Variants in HOOK3 observed in about 807,000 individuals in gnomAD.
HOOK3 encodes the protein hook microtubule tethering protein 3, also known as protein Hook homolog 3.
HOOK3 carries 24 observed loss-of-function variants against 116.3 expected under a neutral mutation model. The observed-to-expected ratio is 0.21, with a 90% CI of 0.15 to 0.29. The LOEUF (loss-of-function observed/expected upper bound fraction) is 0.29, where lower values mean the gene tolerates loss of function less well. Among genes scored for constraint, HOOK3 ranks in the 10% least tolerant of loss-of-function variants. HOOK3 has a pLI of 1.00. For missense variants in HOOK3, 632 were observed against 830.2 expected, an observed-to-expected ratio of 0.76 and a Z score of 2.93; for synonymous variants, 275 against 283.0, an observed-to-expected ratio of 0.97 and a Z score of 0.28.
At chr8:42,921,171 T>C (rs1282703495) in intron 2 of HOOK3, among the ~76,000 whole-genome samples, 1 of 152,108 alleles carries the variant, frequency 6.6e-6, no homozygotes, top group African/African-American at 2.4e-5. Flanking sequence ...GTTTTTTTTT[T>C]TTTTAAAGTA....
chr8:42,978,713 C>T (rs2130440946), intron 13 of HOOK3, among the ~76,000 whole-genome samples: 1 of 152,138 alleles, frequency 6.6e-6, no homozygotes, highest in Admixed American at 6.5e-5. Flanking sequence ...CACACACAGT[C>T]ACTTCTTGTA....
chr8:43,017,805 A>G (rs978259144), intron 21 of HOOK3, among the ~76,000 whole-genome samples: 5 of 152,098 alleles, frequency 3.3e-5, no homozygotes, highest in Non-Finnish European at 5.9e-5. Flanking sequence ...CCTGTCTTCA[A>G]GAAAGACCCC....
intron 13 of HOOK3, among the ~76,000 whole-genome samples, chr8:42,981,902 A>C (rs1313390592): frequency 6.8e-6 from 1 of 147,732 alleles, no homozygotes; most frequent in South Asian, 2.1e-4. Context: ...AAAAAAAAAG[A>C]ATAAGGAATA....
chr8:42,944,357 A>C (rs757995570), intron 5 of HOOK3, among the ~76,000 whole-genome samples: 3 of 152,140 alleles, frequency 2.0e-5, no homozygotes, highest in Admixed American at 1.3e-4. Context: ...CAGAGGTTGC[A>C]ATGAGCCAAG....
At chr8:42,990,796 T>C (rs1809145180) in intron 15 of HOOK3, among the ~76,000 whole-genome samples, 1 of 152,226 alleles carries the variant, frequency 6.6e-6, no homozygotes, top group African/African-American at 2.4e-5. Flanking sequence ...GTTGATTGTT[T>C]CCTTTGCTAT....
intron 11 of HOOK3, 72 bp from the exon 12 acceptor site, chr8:42,973,217 C>A (rs1363976319): frequency 4.7e-6 from 7 of 1,501,332 alleles, no homozygotes; most frequent in Non-Finnish European, 5.3e-6. Flanking sequence ...TTTTCTTAAA[C>A]CTGTAGAAGA....
At chr8:43,007,389 G>T (rs770410113) in intron 17 of HOOK3, among the ~76,000 whole-genome samples, 4 of 152,134 alleles carry the variant, frequency 2.6e-5, no homozygotes, top group Non-Finnish European at 5.9e-5. Flanking sequence ...ATCAGTGTAC[G>T]TAACAGAATC....
intron 3 of HOOK3, among the ~76,000 whole-genome samples, chr8:42,929,207 T>C (rs1203363482): frequency 6.6e-6 from 1 of 152,218 alleles, no homozygotes; most frequent in Non-Finnish European, 1.5e-5. Flanking sequence ...GCATATTATA[T>C]GCATTTTCCA....
chr8:42,916,378 T>C (rs1436576689), intron 2 of HOOK3, among the ~76,000 whole-genome samples: 1 of 152,238 alleles, frequency 6.6e-6, no homozygotes, highest in East Asian at 1.9e-4. Context: ...ACCAATTAGG[T>C]GCCCTGTAGT....
intron 13 of HOOK3, among the ~76,000 whole-genome samples, chr8:42,979,669 T>A (rs1808896923): frequency 1.3e-5 from 2 of 152,170 alleles, no homozygotes; most frequent in African/African-American, 4.8e-5. Flanking sequence ...CTTGCTTCAT[T>A]TTCTAGTTTA....
chr8:42,899,198 G>C (rs889684906), intron 1 of HOOK3, among the ~76,000 whole-genome samples: 13 of 152,184 alleles, frequency 8.5e-5, no homozygotes, highest in African/African-American at 3.1e-4. Context: ...AAGTTTGAAG[G>C]CCTGCTGACA....
At chr8:43,001,290 T>C (rs977622037) in intron 16 of HOOK3, among the ~76,000 whole-genome samples, 1 of 152,064 alleles carries the variant, frequency 6.6e-6, no homozygotes, top group Non-Finnish European at 1.5e-5. Flanking sequence ...TTGTGGTAAT[T>C]ATTATCAAAA....
intron 5 of HOOK3, among the ~76,000 whole-genome samples, chr8:42,946,266 G>A (rs1808223480): frequency 6.6e-6 from 1 of 152,148 alleles, no homozygotes; most frequent in African/African-American, 2.4e-5. Context: ...GCAGCTTAAA[G>A]GGGGACAGCC....
intron 15 of HOOK3, among the ~76,000 whole-genome samples, chr8:42,996,079 G>A (rs528795883): frequency 6.6e-6 from 1 of 152,112 alleles, no homozygotes; most frequent in South Asian, 2.1e-4. Flanking sequence ...TCATGACCTA[G>A]AGAATTTATG....
intron 2 of HOOK3, among the ~76,000 whole-genome samples, chr8:42,922,105 ATTATAGACC>A (rs1262342667): frequency 6.6e-6 from 1 of 152,238 alleles, no homozygotes; most frequent in African/African-American, 2.4e-5. Context: ...GCAAAAATTG[ATTATAGACC>A]TAAATATAAG....
intron 3 of HOOK3, 72 bp from the exon 4 acceptor site, chr8:42,930,050 A>C: frequency 3.5e-6 from 5 of 1,409,078 alleles, no homozygotes; most frequent in Non-Finnish European, 4.8e-6. Context: ...GTTGGCTCAG[A>C]AATTTTTTAT....
At chr8:42,922,769 G>T (rs188014829) in intron 2 of HOOK3, among the ~76,000 whole-genome samples, 70 of 151,452 alleles carry the variant, frequency 4.6e-4, no homozygotes, top group Non-Finnish European at 7.7e-4. Context: ...GCATGGTGGT[G>T]CACGCCTGTA....
At chr8:42,935,037 A>C (rs1164151893) in intron 4 of HOOK3, among the ~76,000 whole-genome samples, 3 of 152,080 alleles carry the variant, frequency 2.0e-5, no homozygotes, top group Non-Finnish European at 4.4e-5. Context: ...ATTTCTCCAT[A>C]TCCTCTCCAG....
At chr8:42,987,569 T>C (rs1809071860) in intron 15 of HOOK3, among the ~76,000 whole-genome samples, 1 of 152,250 alleles carries the variant, frequency 6.6e-6, no homozygotes, top group African/African-American at 2.4e-5. Context: ...TTCTAATCTG[T>C]TATTTATTGT....
Sources: gnomAD v4.1 joint callset for allele counts (sites outside exome capture counted in the v4.1 genomes callset) on GRCh38, gnomAD v4.1.1 for gene constraint, MANE v1.5 for transcripts, NCBI Gene and HGNC (gene_info 2026-07-23, HGNC 2026-07-21) for gene names.